The following BCL11A variants were observed in gnomAD, a reference collection of about 807,000 sequenced individuals.
The protein encoded by BCL11A is BCL11 transcription factor A.
In BCL11A, 2 loss-of-function variants were observed where a neutral mutation model predicts 55.9. The ratio of observed to expected loss-of-function variants is 0.04; its 90% confidence interval spans 0.01 to 0.11. The LOEUF is 0.11. Ranked by LOEUF, BCL11A falls within the 10% of genes least tolerant of loss-of-function variation. BCL11A has a pLI of 1.00. For missense variants in BCL11A, 817 were observed against 1,137.1 expected (o/e 0.72, Z 4.05); for synonymous variants, 465 against 473.4 (o/e 0.98, Z 0.23).
chr2:60,485,062 C>A (rs1364586287), intron 2 of BCL11A, among the ~76,000 whole-genome samples: 2 of 152,108 alleles, frequency 1.3e-5, no homozygotes, highest in African/African-American at 2.4e-5. Context: ...CCACCACCAC[C>A]AAGGCATAGC....
Position 60,461,826 on chromosome 2 carries a change from A to AGGG in BCL11A, c.1085_1086insCCC (p.Pro362dup). 1.1e-6 allele frequency: 1 copy of AGGG among 909,718 alleles called. No individual in the cohort carries two copies. The highest frequency in any genetic ancestry group is 1.5e-6 in the Non-Finnish European group (1 of 648,776). 56.4% of individuals were successfully genotyped at this position (909,718 alleles called of 1,614,324 possible). On this transcript the variant is annotated inframe_insertion, in exon 4 of 4. Coordinates refer to ENST00000642384, the MANE Select transcript of BCL11A (RefSeq NM_022893.4). The stretch of plus-strand genomic sequence containing the variant: ...GGGAGGGAGGAGGGGCGGATTGCAG[A>AGGG]GGAGGGAGGGGGGGCGTCGCCAGGA...
At chr2:60,540,781 G>A (rs77771843) in intron 2 of BCL11A, among the ~76,000 whole-genome samples, 3 of 152,172 alleles carry the variant, frequency 2.0e-5, no homozygotes, top group South Asian at 2.1e-4. Context: ...CTGCCTGCAC[G>A]TTTCTACACC....
rs113962783 is a variant in BCL11A, at chr2:60,457,378, T to C, written c.*3026A>G. On this transcript the variant is annotated 3_prime_UTR_variant, in exon 4 of 4. Coordinates refer to ENST00000642384, the MANE Select transcript of BCL11A (RefSeq NM_022893.4). ...TTGGTCATCTAAATAAAAAAAAAAA[T>C]AAAAACAAAGAAAAATAAAAGATCA... 5 of 1,013,820 alleles carry C rather than the reference T, an allele frequency of 4.9e-6. No homozygotes were observed. 62.8% of individuals were successfully genotyped at this position (1,013,820 alleles called of 1,614,324 possible). A position where few individuals can be genotyped will look rare whatever the true frequency, so the allele number is the denominator to read the frequency against.
At chr2:60,503,735 G>C (rs1190317041) in intron 2 of BCL11A, among the ~76,000 whole-genome samples, 4 of 152,146 alleles carry the variant, frequency 2.6e-5, no homozygotes, top group Non-Finnish European at 5.9e-5. Flanking sequence ...CATTTTGTGA[G>C]GACTAATTTA....
At chr2:60,552,707 C>G (rs974363563) in intron 1 of BCL11A, among the ~76,000 whole-genome samples, 1 of 152,128 alleles carries the variant, frequency 6.6e-6, no homozygotes, top group Admixed American at 6.5e-5. Context: ...TGTCCAAAAG[C>G]CAGTCTCACC....
intron 2 of BCL11A, among the ~76,000 whole-genome samples, chr2:60,506,769 G>A (rs773848881): frequency 6.6e-6 from 1 of 152,152 alleles, no homozygotes; most frequent in Non-Finnish European, 1.5e-5. Context: ...CTCAAATAAT[G>A]TCTATAATGC....
downstream of BCL11A, among the ~76,000 whole-genome samples, chr2:60,453,661 C>A (rs113671572): frequency 6.6e-6 from 1 of 152,186 alleles, no homozygotes; most frequent in Admixed American, 6.5e-5. Context: ...CCAATCAAAC[C>A]CTTTCGTCCA....
Position 60,553,481 on chromosome 2 carries a change from GCAA to G in BCL11A, c.-214_-212del. On this transcript the variant is annotated 5_prime_UTR_variant, in exon 1 of 4. Coordinates refer to ENST00000642384, the MANE Select transcript of BCL11A (RefSeq NM_022893.4). ...GAGAGCCGTCATGGCTTTTTTTTAA[GCAA>G]AAAAAAAAAAAAAAAAAAAAAAAAA... 3 of 6,682 alleles carry G rather than the reference GCAA, an allele frequency of 4.5e-4. No homozygotes were observed. The highest frequency in any genetic ancestry group is 7.2e-4 in the Non-Finnish European group (3 of 4,166). The allele number at this position is 6,682 out of a possible 1,614,324, so 0.4% of individuals were successfully genotyped here.
intron 2 of BCL11A, among the ~76,000 whole-genome samples, chr2:60,492,261 G>C (rs1678681484): frequency 6.6e-6 from 1 of 152,182 alleles, no homozygotes; most frequent in South Asian, 2.1e-4. Context: ...CAGCTACTCA[G>C]GAGGCTGAGG....
chr2:60,451,197 G>A (rs1030083439), exon 5 of BCL11A: 1 of 207,344 alleles, frequency 4.8e-6, no homozygotes, highest in Non-Finnish European at 9.8e-6. Flanking sequence ...TGAATAAGCA[G>A]GAAATAATTC....
At chr2:60,548,341 T>C (rs1217108558) in intron 1 of BCL11A, among the ~76,000 whole-genome samples, 1 of 151,956 alleles carries the variant, frequency 6.6e-6, no homozygotes, top group Non-Finnish European at 1.5e-5. Context: ...TTTTTTTTTT[T>C]TTTTTGTTCC....
intron 2 of BCL11A, among the ~76,000 whole-genome samples, chr2:60,480,774 T>A (rs1677902467): frequency 6.6e-6 from 1 of 152,174 alleles, no homozygotes; most frequent in South Asian, 2.1e-4. Context: ...TTGGTCTCAA[T>A]TACTAGTCTG....
intron 2 of BCL11A, chr2:60,522,194 C>T (rs1225139333): frequency 6.6e-6 from 1 of 152,396 alleles, no homozygotes; most frequent in Non-Finnish European, 1.5e-5. Flanking sequence ...CCAGCTCCAA[C>T]CACCACAGCT....
intron 2 of BCL11A, among the ~76,000 whole-genome samples, chr2:60,509,119 T>C (rs1228193730): frequency 6.6e-6 from 1 of 152,228 alleles, no homozygotes; most frequent in Non-Finnish European, 1.5e-5. Context: ...GGTCTAAAGA[T>C]TCAAGCTGAG....
In BCL11A at chr2:60,457,600, T is replaced by G. The variant is rs1347885073; in HGVS notation, c.*2804A>C. ...CTTTCTCTTTAATATGCTTTGCATATGAAATTCTTTCCAATCTAAATATAA... is the reference window on the plus strand; with the variant it reads ...CTTTCTCTTTAATATGCTTTGCATAGGAAATTCTTTCCAATCTAAATATAA... On this transcript the variant is annotated 3_prime_UTR_variant, in exon 4 of 4. Transcript: ENST00000642384. The G allele has an allele frequency of 3.8e-6, 4 of 1,045,248 alleles. No individual in the cohort carries two copies. The highest frequency in any genetic ancestry group is 4.6e-6 in the Non-Finnish European group (4 of 866,720). 64.7% of individuals were successfully genotyped at this position (1,045,248 alleles called of 1,614,324 possible).
intron 2 of BCL11A, among the ~76,000 whole-genome samples, chr2:60,509,888 C>T (rs1304336780): frequency 6.6e-6 from 1 of 152,150 alleles, no homozygotes; most frequent in Non-Finnish European, 1.5e-5. Flanking sequence ...TGAGCACCTC[C>T]ACAGCCTTTC....
At chr2:60,487,939 A>G (rs1678377692) in intron 2 of BCL11A, among the ~76,000 whole-genome samples, 1 of 152,226 alleles carries the variant, frequency 6.6e-6, no homozygotes, top group South Asian at 2.1e-4. Flanking sequence ...ATCTGCCACT[A>G]AAGGTTTACT....
At chr2:60,545,776 G>A in intron 2 of BCL11A, 195 bp downstream of exon 2, 3 of 587,860 alleles carry the variant, frequency 5.1e-6, no homozygotes, top group Non-Finnish European at 9.1e-6. Context: ...CTGATTCAGT[G>A]AGGTGGAAAA....
intron 2 of BCL11A, chr2:60,538,669 C>A (rs1006435567): frequency 6.6e-6 from 1 of 150,584 alleles, no homozygotes; most frequent in Non-Finnish European, 1.5e-5. Flanking sequence ...AAAAAAAGTA[C>A]AAATGAAGGT....
Sources: allele counts gnomAD v4.1 joint callset (sites outside exome capture counted in the v4.1 genomes callset), GRCh38; gene constraint gnomAD v4.1.1; transcripts MANE v1.5; gene names NCBI Gene and HGNC (gene_info 2026-07-23, HGNC 2026-07-21).